L2HGDH: variants seen among roughly 807,000 people sequenced by gnomAD.
L2HGDH encodes L-2-hydroxyglutarate dehydrogenase.
A neutral mutation model predicts 51.5 loss-of-function variants in L2HGDH; 34 were observed. The observed-to-expected ratio is 0.66, with a 90% CI of 0.50 to 0.88. The LOEUF (loss-of-function observed/expected upper bound fraction) is 0.88, where lower values mean the gene tolerates loss of function less well. Among genes scored for constraint, L2HGDH ranks in the 40% least tolerant of loss-of-function variants. L2HGDH has a pLI of 0.00. For synonymous variants in L2HGDH, 198 were observed against 197.9 expected (o/e 1.00, Z -0.01); for missense variants, 558 against 571.9 (o/e 0.98, Z 0.25).
intron 1 of L2HGDH, among the ~76,000 whole-genome samples, chr14:50,305,908 T>G (rs1177455823): frequency 6.6e-6 from 1 of 152,244 alleles, no homozygotes; most frequent in Non-Finnish European, 1.5e-5. Context: ...CATAGTACCA[T>G]GTAAATGCTA....
chr14:50,269,459 C>T (rs1028987247), intron 6 of L2HGDH, 129 bp from the exon 7 acceptor site: 30 of 800,034 alleles, frequency 3.7e-5, no homozygotes, highest in African/African-American at 3.3e-4. Context: ...ATATTCAATA[C>T]AGGTATCAGC....
intron 3 of L2HGDH, among the ~76,000 whole-genome samples, chr14:50,297,049 T>G (rs1386335567): frequency 6.6e-6 from 1 of 152,148 alleles, no homozygotes; most frequent in Non-Finnish European, 1.5e-5. Context: ...GAAAAGGCAT[T>G]TGAGAAAATT....
At chr14:50,277,292 C>T (rs1355322961) in intron 6 of L2HGDH, among the ~76,000 whole-genome samples, 2 of 150,386 alleles carry the variant, frequency 1.3e-5, no homozygotes, top group Non-Finnish European at 3.0e-5. Flanking sequence ...ACTTTTACTT[C>T]TGTCTTTATT....
intron 6 of L2HGDH, among the ~76,000 whole-genome samples, chr14:50,274,366 G>A (rs1015422127): frequency 9.9e-5 from 15 of 151,028 alleles, no homozygotes; most frequent in Admixed American, 4.0e-4. Flanking sequence ...ACTGATATAT[G>A]TAAAGGTGTT....
rs1389374650 is a variant in L2HGDH at position 50,267,752 on chromosome 14, C to T, written c.1064+1G>A. On this transcript the variant is annotated splice_donor_variant, in intron 8 of 9. Transcript: ENST00000267436. LOFTEE classifies it high-confidence loss of function. Reference sequence around the variant, plus strand: ...TCATTTTTAAAAATAAATAATGTTACCTATTGATAATTATATCCATAACAT... The same window carrying T: ...TCATTTTTAAAAATAAATAATGTTATCTATTGATAATTATATCCATAACAT... The T allele has an allele frequency of 2.5e-6, 4 of 1,599,994 alleles. No individual in the cohort carries two copies. The East Asian group carries it at 8.9e-5, about 36-fold the overall frequency.
At chr14:50,292,535 T>C (rs1323121678) in intron 4 of L2HGDH, among the ~76,000 whole-genome samples, 1 of 152,030 alleles carries the variant, frequency 6.6e-6, no homozygotes, top group Non-Finnish European at 1.5e-5. Flanking sequence ...GGAGAAACCC[T>C]GTCTATACGA....
chr14:50,252,594 T>C (rs1888428389), intron 9 of L2HGDH, among the ~76,000 whole-genome samples: 1 of 151,806 alleles, frequency 6.6e-6, no homozygotes, highest in South Asian at 2.1e-4. Flanking sequence ...AGATATTCCA[T>C]GACAATGGAA....
At chr14:50,271,095 T>A (rs1353386098) in intron 6 of L2HGDH, among the ~76,000 whole-genome samples, 1 of 149,946 alleles carries the variant, frequency 6.7e-6, no homozygotes, top group Non-Finnish European at 1.5e-5. Context: ...TGGGTTCAAG[T>A]AATTCTCCTG....
intron 1 of L2HGDH, among the ~76,000 whole-genome samples, chr14:50,304,727 C>T (rs1227283473): frequency 5.3e-5 from 8 of 152,092 alleles, no homozygotes; most frequent in African/African-American, 1.7e-4. Flanking sequence ...CCCAGCTACT[C>T]GGGAGGCTGA....
chr14:50,277,271 G>A (rs1890029461), intron 6 of L2HGDH, among the ~76,000 whole-genome samples: 1 of 150,982 alleles, frequency 6.6e-6, no homozygotes, highest in Non-Finnish European at 1.5e-5. Flanking sequence ...CACCTTGTTA[G>A]GTGGAAGCAT....
chr14:50,251,833 T>C (rs1249557428), intron 9 of L2HGDH, among the ~76,000 whole-genome samples: 3 of 152,042 alleles, frequency 2.0e-5, no homozygotes, highest in East Asian at 1.9e-4. Context: ...AGGGATTTCA[T>C]CAACACTAGA....
intron 5 of L2HGDH, 130 bp from the exon 6 acceptor site, chr14:50,278,684 G>A (rs1165817203): frequency 5.0e-6 from 3 of 602,446 alleles, no homozygotes; most frequent in Non-Finnish European, 9.0e-6. Context: ...AGTTCATTCT[G>A]AAACTTTTTA....
chr14:50,290,362 G>C (rs1404304729), intron 4 of L2HGDH, among the ~76,000 whole-genome samples: 2 of 152,134 alleles, frequency 1.3e-5, no homozygotes, highest in Non-Finnish European at 2.9e-5. Context: ...AGTGGCTTTG[G>C]TTCTCCTCTC....
At chr14:50,293,281 T>G (rs997115772) in intron 4 of L2HGDH, 10 of 702,148 alleles carry the variant, frequency 1.4e-5, no homozygotes, top group Non-Finnish European at 2.3e-5. Flanking sequence ...CACAACTGGA[T>G]ATCTGTTTGG....
chr14:50,304,795 A>T (rs1224663734), intron 1 of L2HGDH, among the ~76,000 whole-genome samples: 1 of 152,150 alleles, frequency 6.6e-6, no homozygotes, highest in Non-Finnish European at 1.5e-5. Flanking sequence ...AGATTGCACC[A>T]CTGCACTCCA....
In L2HGDH at chr14:50,281,014, G is replaced by C. The variant is rs150801600; in HGVS notation, c.704-2460C>G. On this transcript the variant is annotated intron_variant, in intron 5 of 9. Transcript: ENST00000267436. ...AAATTTTTTGTAGAGGCAGGGTCTC[G>C]CTATGTTGCCCAGGCTGGTCTTAAA... Among the ~76,000 whole-genome samples the C allele has an allele frequency of 2.5e-3, 382 of 152,082 alleles. 2 individuals carry two copies. The Middle Eastern group carries it at 0.061, about 24-fold the overall frequency.
At chr14:50,278,578 A>T in intron 5 of L2HGDH, 24 bp from the exon 6 acceptor site, 7 of 1,283,868 alleles carry the variant, frequency 5.5e-6, no homozygotes, top group Non-Finnish European at 7.8e-6. Flanking sequence ...ATAAGTGAAA[A>T]ATTTATTTTT....
chr14:50,280,633 A>T (rs1890216193), intron 5 of L2HGDH, among the ~76,000 whole-genome samples: 1 of 152,144 alleles, frequency 6.6e-6, no homozygotes, highest in African/African-American at 2.4e-5. Flanking sequence ...TCTGAGTCCC[A>T]TAGGATTTTG....
intron 6 of L2HGDH, among the ~76,000 whole-genome samples, chr14:50,270,706 C>T (rs1889628448): frequency 6.6e-6 from 1 of 151,902 alleles, no homozygotes; most frequent in Non-Finnish European, 1.5e-5. Context: ...CGGGGTTTCA[C>T]CGTGTTAGCC....
Sources: allele counts gnomAD v4.1 joint callset (sites outside exome capture counted in the v4.1 genomes callset), GRCh38; gene constraint gnomAD v4.1.1; transcripts MANE v1.5; gene names NCBI Gene and HGNC (gene_info 2026-07-23, HGNC 2026-07-21).